The following SLC30A8 variants were observed in gnomAD, a reference collection of about 807,000 sequenced individuals.
The protein encoded by SLC30A8 is proton-coupled zinc antiporter SLC30A8.
In SLC30A8, 27 loss-of-function variants were observed where a neutral mutation model predicts 36.9. The ratio of observed to expected loss-of-function variants is 0.73; its 90% CI spans 0.54 to 1.01. The LOEUF (loss-of-function observed/expected upper bound fraction) is 1.01. SLC30A8 is among the 50% of genes least tolerant of loss of function. The pLI, the probability that SLC30A8 is intolerant of heterozygous loss-of-function variation, is 0.00. For missense variants in SLC30A8, 439 were observed against 452.0 expected, an observed-to-expected ratio of 0.97 and a Z score of 0.26; for synonymous variants, 164 against 172.4, an observed-to-expected ratio of 0.95 and a Z score of 0.38.
At chr8:117,092,322 TAATTTA>T (rs1215458227) in intron 2 of SLC30A8, among the ~76,000 whole-genome samples, 1 of 152,078 alleles carries the variant, frequency 6.6e-6, no homozygotes, top group African/African-American at 2.4e-5. Context: ...TTAATGCTAA[TAATTTA>T]AATTTTTATT....
chr8:117,043,738 C>T (rs1817461271), intron 2 of SLC30A8, among the ~76,000 whole-genome samples: 1 of 152,204 alleles, frequency 6.6e-6, no homozygotes, highest in African/African-American at 2.4e-5. Context: ...TCTCCACCTG[C>T]CTTGCCCCAC....
chr8:117,077,364 G>T (rs1451013274), intron 2 of SLC30A8, among the ~76,000 whole-genome samples: 2 of 152,114 alleles, frequency 1.3e-5, no homozygotes, highest in Non-Finnish European at 2.9e-5. Flanking sequence ...AATATCTTAT[G>T]GTTGCTTGTA....
chr8:117,150,894 C>G (rs2130978763), intron 2 of SLC30A8, among the ~76,000 whole-genome samples: 1 of 152,186 alleles, frequency 6.6e-6, no homozygotes. Flanking sequence ...CGTGAGCCAC[C>G]AAGCCCGGCC....
At chr8:117,010,512 G>A (rs1346122926) in intron 1 of SLC30A8, among the ~76,000 whole-genome samples, 1 of 152,158 alleles carries the variant, frequency 6.6e-6, no homozygotes, top group Admixed American at 6.5e-5. Flanking sequence ...TTTAGGCAAC[G>A]GTCGAAAAGC....
chr8:116,985,266 A>T (rs1048601164), intron 1 of SLC30A8, among the ~76,000 whole-genome samples: 1 of 150,934 alleles, frequency 6.6e-6, no homozygotes, highest in African/African-American at 2.4e-5. Context: ...CTCTAAGTAT[A>T]TGCAAGCATG....
intron 1 of SLC30A8, among the ~76,000 whole-genome samples, chr8:117,005,764 G>C (rs1816153364): frequency 6.6e-6 from 1 of 152,140 alleles, no homozygotes; most frequent in Admixed American, 6.6e-5. Context: ...GACTTTGACA[G>C]ATCCTCATTT....
intron 2 of SLC30A8, among the ~76,000 whole-genome samples, chr8:117,112,148 G>A (rs187450859): frequency 3.3e-5 from 5 of 152,076 alleles, no homozygotes; most frequent in Non-Finnish European, 5.9e-5. Flanking sequence ...AGTTTGTGAA[G>A]ATATCACCTC....
At chr8:116,957,936 G>A (rs1309686191) in intron 1 of SLC30A8, among the ~76,000 whole-genome samples, 4 of 152,162 alleles carry the variant, frequency 2.6e-5, no homozygotes, top group African/African-American at 7.2e-5. Context: ...CCTGAGGGCA[G>A]CCCTGTGTCC....
At chr8:117,074,584 C>T (rs1818432756) in intron 2 of SLC30A8, among the ~76,000 whole-genome samples, 1 of 152,114 alleles carries the variant, frequency 6.6e-6, no homozygotes, top group Non-Finnish European at 1.5e-5. Context: ...ATCTTTATCA[C>T]CAACCCCAGT....
At chr8:116,999,739 T>C (rs73312270) in intron 1 of SLC30A8, among the ~76,000 whole-genome samples, 35 of 152,314 alleles carry the variant, frequency 2.3e-4, no homozygotes, top group African/African-American at 8.4e-4. Flanking sequence ...TTCTTTGATA[T>C]TTTATATTGA....
Position 117,172,716 on chromosome 8 carries a change from G to A in SLC30A8, c.*35G>A. The stretch of plus-strand genomic sequence containing the variant: ...ACCGTCAGTTTCCCAAATTTGACAG[G>A]CCACCTTCAAACATGCTGCTATGCA... On this transcript the variant is annotated 3_prime_UTR_variant, in exon 8 of 8. Transcript: ENST00000456015. 6.2e-7 allele frequency: 1 copy of A among 1,611,622 alleles called. No individual in the cohort carries two copies. Among genetic ancestry groups the A allele is most frequent in the South Asian group, 1.1e-5 (1 of 91,018 alleles).
intron 1 of SLC30A8, among the ~76,000 whole-genome samples, chr8:116,994,598 C>T (rs1402162844): frequency 6.6e-6 from 1 of 152,094 alleles, no homozygotes; most frequent in Non-Finnish European, 1.5e-5. Context: ...TATGCCGATT[C>T]AAACAGGAAG....
chr8:117,171,781 G>A (rs1476180190), intron 7 of SLC30A8, among the ~76,000 whole-genome samples: 2 of 152,088 alleles, frequency 1.3e-5, no homozygotes, highest in East Asian at 3.9e-4. Context: ...GGCAGTGGGA[G>A]GGCATTTACT....
chr8:117,032,700 G>C (rs1306386983), intron 1 of SLC30A8, among the ~76,000 whole-genome samples: 2 of 152,244 alleles, frequency 1.3e-5, no homozygotes, highest in Non-Finnish European at 2.9e-5. Context: ...GACCAGCCTG[G>C]CCAACATGGC....
In SLC30A8 at chr8:117,169,710, G is replaced by A. The variant is rs751854709; in HGVS notation, c.830-1324G>A. Among the ~76,000 whole-genome samples, 35 of 152,210 alleles carry A rather than the reference G, an allele frequency of 2.3e-4. 1 individual carries two copies. Among genetic ancestry groups the A allele is most frequent in the Non-Finnish European group, 3.7e-4 (25 of 68,002 alleles). ...AAGAAGCTTCCAATAGCGGCAAAAGGCAAAGGGGGAGAAGGCACGTCACAT... is the reference window on the plus strand; with the variant it reads ...AAGAAGCTTCCAATAGCGGCAAAAGACAAAGGGGGAGAAGGCACGTCACAT... On this transcript the variant is annotated intron_variant, in intron 6 of 7. Coordinates refer to ENST00000456015, the MANE Select transcript of SLC30A8 (RefSeq NM_173851.3).
intron 2 of SLC30A8, among the ~76,000 whole-genome samples, chr8:117,095,450 A>AG (rs1364539987): frequency 6.7e-6 from 1 of 149,206 alleles, no homozygotes; most frequent in Non-Finnish European, 1.5e-5. Flanking sequence ...ACTTGAGGAC[A>AG]GGGTTTTTTT....
At chr8:117,068,681 A>G (rs1295509629) in intron 2 of SLC30A8, among the ~76,000 whole-genome samples, 1 of 151,910 alleles carries the variant, frequency 6.6e-6, no homozygotes, top group South Asian at 2.1e-4. Context: ...AGTTCAAGCG[A>G]TTCTCCTGCC....
chr8:117,033,298 G>T (rs1393852747), intron 1 of SLC30A8, among the ~76,000 whole-genome samples: 2 of 152,234 alleles, frequency 1.3e-5, no homozygotes, highest in Admixed American at 1.3e-4. Flanking sequence ...TCTATGCAAT[G>T]GAATATTTAT....
intron 2 of SLC30A8, among the ~76,000 whole-genome samples, chr8:117,125,200 A>G (rs1472539551): frequency 6.6e-6 from 1 of 152,038 alleles, no homozygotes; most frequent in Non-Finnish European, 1.5e-5. Context: ...TGGTGTTGCC[A>G]TGATTGCATT....
Sources: gnomAD v4.1 joint callset for allele counts (sites outside exome capture counted in the v4.1 genomes callset) on GRCh38, gnomAD v4.1.1 for gene constraint, MANE v1.5 for transcripts, NCBI Gene and HGNC (gene_info 2026-07-23, HGNC 2026-07-21) for gene names.